Variants in TJP1 observed in about 807,000 individuals in gnomAD.
TJP1 encodes the protein tight junction protein 1.
TJP1 carries 43 observed loss-of-function variants against 194.2 expected under a neutral mutation model. The ratio of observed to expected loss-of-function variants is 0.22; its 90% confidence interval spans 0.17 to 0.29. The LOEUF (loss-of-function observed/expected upper bound fraction) is 0.29, where lower values mean the gene tolerates loss of function less well. Among genes scored for constraint, TJP1 ranks in the 10% least tolerant of loss-of-function variants. The pLI is 1.00. For missense variants in TJP1, 1,971 were observed against 2,185.7 expected (o/e 0.90, Z 1.96); for synonymous variants, 801 against 779.0 (o/e 1.03, Z -0.47).
chr15:29,716,214 C>G (rs1322842686), intron 23 of TJP1, among the ~76,000 whole-genome samples: 2 of 152,182 alleles, frequency 1.3e-5, no homozygotes, highest in African/African-American at 4.8e-5. Context: ...CAAAAAACCT[C>G]TTCAGTATTT....
chr15:29,958,080 T>C (rs945854877), intron 1 of TJP1, among the ~76,000 whole-genome samples: 7 of 152,214 alleles, frequency 4.6e-5, no homozygotes, highest in African/African-American at 1.7e-4. Flanking sequence ...TATATTTCAA[T>C]TGTTTTTTAT....
intron 1 of TJP1, among the ~76,000 whole-genome samples, chr15:29,963,709 A>C (rs2056239241): frequency 6.6e-6 from 1 of 152,182 alleles, no homozygotes; most frequent in South Asian, 2.1e-4. Context: ...GCTGGGGTGC[A>C]GTGGCATGAT....
chr15:29,821,546 T>C (rs544303335), intron 1 of TJP1: 33 of 152,250 alleles, frequency 2.2e-4, no homozygotes, highest in African/African-American at 6.7e-4. Flanking sequence ...AGATCGAAAC[T>C]ACAGGGTTTC....
At chr15:29,742,842 G>A in intron 8 of TJP1, 61 bp from the exon 9 acceptor site, 1 of 1,481,988 alleles carries the variant, frequency 6.7e-7, no homozygotes, top group Non-Finnish European at 9.0e-7. Flanking sequence ...GCATCTGTAA[G>A]AGAACAGTAT....
chr15:29,706,066 G>A (rs945292372), intron 25 of TJP1, among the ~76,000 whole-genome samples: 9 of 152,064 alleles, frequency 5.9e-5, no homozygotes, highest in Admixed American at 5.9e-4. Context: ...CATGTAGCTG[G>A]GACTACAGGC....
intron 1 of TJP1, among the ~76,000 whole-genome samples, chr15:29,961,111 C>T (rs1396753403): frequency 6.6e-6 from 1 of 152,080 alleles, no homozygotes; most frequent in African/African-American, 2.4e-5. Flanking sequence ...ACAAAGAGTC[C>T]ACCAAGGACA....
At chr15:29,782,982 C>G (rs1318936473) in intron 2 of TJP1, among the ~76,000 whole-genome samples, 2 of 150,898 alleles carry the variant, frequency 1.3e-5, no homozygotes, top group African/African-American at 2.4e-5. Context: ...AAACTGAAAC[C>G]ACAATGAGCG....
chr15:29,804,176 G>A (rs1165070920), intron 1 of TJP1, among the ~76,000 whole-genome samples: 5 of 152,104 alleles, frequency 3.3e-5, no homozygotes, highest in Admixed American at 3.3e-4. Context: ...AGGCAGTACT[G>A]ATGAGGAGTT....
intron 15 of TJP1, among the ~76,000 whole-genome samples, chr15:29,731,771 T>C (rs1221425388): frequency 6.6e-6 from 1 of 151,382 alleles, no homozygotes; most frequent in African/African-American, 2.4e-5. Context: ...TTATGGAAAG[T>C]ATCTTTAATA....
intron 18 of TJP1, 104 bp from the exon 19 acceptor site, chr15:29,720,812 T>C: frequency 2.2e-6 from 2 of 916,062 alleles, no homozygotes; most frequent in Non-Finnish European, 3.2e-6. Context: ...TCTGGAGAAG[T>C]CACATCTACT....
chr15:29,716,519 T>G (rs544121520), intron 23 of TJP1, 92 bp downstream of exon 23: 20 of 951,298 alleles, frequency 2.1e-5, no homozygotes, highest in Non-Finnish European at 2.7e-5. Context: ...AAATCATATA[T>G]TACACTTAAA....
rs753661444 is a variant in TJP1 at position 29,732,533 on chromosome 15, A to C, written c.1922-5T>G. ...TTACAGGCCTCAGAAATCCAGCTGG[A>C]GAGAAATTCACATGAAAAACAGCAT... On this transcript the variant is annotated splice_polypyrimidine_tract_variant and splice_region_variant and intron_variant, in intron 14 of 27. Transcript: ENST00000614355. 1.2e-5 allele frequency: 19 copies of C among 1,614,098 alleles called. No individual in the cohort carries two copies. Among genetic ancestry groups the C allele is most frequent in the Non-Finnish European group, 1.4e-5 (17 of 1,180,000 alleles).
At chr15:29,753,668 CACTCAGA>C (rs2045445387) in intron 8 of TJP1, among the ~76,000 whole-genome samples, 2 of 151,922 alleles carry the variant, frequency 1.3e-5, no homozygotes, top group Non-Finnish European at 2.9e-5. Flanking sequence ...GCCTGTTGAT[CACTCAGA>C]ACTATGCACA....
intron 2 of TJP1, among the ~76,000 whole-genome samples, chr15:29,791,544 G>C (rs1053691145): frequency 1.4e-5 from 2 of 144,944 alleles, no homozygotes; most frequent in African/African-American, 2.6e-5. Context: ...CCTCAGCCTC[G>C]CGAGTAGCTG....
intron 1 of TJP1, among the ~76,000 whole-genome samples, chr15:29,814,229 T>C (rs777923222): frequency 6.6e-6 from 1 of 152,236 alleles, no homozygotes; most frequent in Non-Finnish European, 1.5e-5. Flanking sequence ...CACACAAGAA[T>C]GCTCTGTTAT....
intron 2 of TJP1, among the ~76,000 whole-genome samples, chr15:29,946,540 GT>G (rs2055289399): frequency 6.6e-6 from 1 of 152,192 alleles, no homozygotes; most frequent in South Asian, 2.1e-4. Context: ...CATTTCCGTG[GT>G]ATTTCTTCCC....
intron 2 of TJP1, among the ~76,000 whole-genome samples, chr15:29,831,861 G>A (rs1194145340): frequency 6.6e-6 from 1 of 152,150 alleles, no homozygotes; most frequent in Non-Finnish European, 1.5e-5. Context: ...GGCAGCAAAT[G>A]CGGCAAAATA....
chr15:29,924,287 A>G (rs2054457601), intron 2 of TJP1, among the ~76,000 whole-genome samples: 2 of 152,128 alleles, frequency 1.3e-5, no homozygotes, highest in African/African-American at 4.8e-5. Context: ...GCTGGTCTCA[A>G]AACTCTGAGA....
rs983089873 is a variant in TJP1 at position 29,762,507 on chromosome 15, C to T, written c.590-69G>A. On this transcript the variant is annotated intron_variant, in intron 5 of 27. Transcript: ENST00000614355. Reference sequence around the variant, plus strand: ...CACCTAAATAGATTTTACAAGTATACAACTAAACTAATTAACTACTGCATA... The same window carrying T: ...CACCTAAATAGATTTTACAAGTATATAACTAAACTAATTAACTACTGCATA... 19 of 1,114,066 alleles carry T rather than the reference C, an allele frequency of 1.7e-5. No individual in the cohort carries two copies. In the African/African-American group the frequency reaches 2.8e-4, roughly 16 times the overall value. The allele number at this position is 1,114,066 out of a possible 1,614,324, so 69.0% of individuals were successfully genotyped here.
Sources: allele counts gnomAD v4.1 joint callset (sites outside exome capture counted in the v4.1 genomes callset), GRCh38; gene constraint gnomAD v4.1.1; transcripts MANE v1.5; gene names NCBI Gene and HGNC (gene_info 2026-07-23, HGNC 2026-07-21).